The following CLIC2 variants were observed in gnomAD, a reference collection of about 807,000 sequenced individuals.
The protein encoded by CLIC2 is CLIC family member 2, also known as chloride intracellular channel protein 2.
A neutral mutation model predicts 14.8 loss-of-function variants in CLIC2; 9 were observed. The ratio of observed to expected loss-of-function variants is 0.61; its 90% CI spans 0.37 to 1.06. CLIC2 has a LOEUF of 1.06. Among genes scored for constraint, CLIC2 ranks in the 50% least tolerant of loss-of-function variants. CLIC2 has a pLI of 0.01. For missense variants in CLIC2, 148 were observed against 181.4 expected (o/e 0.82, Z 1.06); for synonymous variants, 61 against 66.3 (o/e 0.92, Z 0.39).
intron 3 of CLIC2, chrX:155,292,924 G>C (rs1293689503): frequency 9.4e-7 from 1 of 1,068,369 alleles, no homozygotes; most frequent in African/African-American, 1.8e-5. Flanking sequence ...TTTGCCAACA[G>C]GGCGAACAAA....
At chrX:155,284,384 C>T (rs782580227) in intron 3 of CLIC2, among the ~76,000 whole-genome samples, 13 of 108,843 alleles carry the variant, frequency 1.2e-4, no homozygotes, top group Admixed American at 6.9e-4. Context: ...CTCAGCCTCC[C>T]GAGTAGCTGG....
At chrX:155,316,564 G>A (rs782367672) in intron 1 of CLIC2, among the ~76,000 whole-genome samples, 5 of 111,160 alleles carry the variant, frequency 4.5e-5, no homozygotes, top group East Asian at 2.8e-4. Context: ...TGAACTGAAC[G>A]ATAACAGTGA....
Position 155,279,154 on chromosome X carries a change from T to C in CLIC2, c.577A>G (p.Ile193Val). 1 of 1,210,053 alleles carries C rather than the reference T, an allele frequency of 8.3e-7. No individual in the cohort carries two copies. Among genetic ancestry groups the C allele is most frequent in the Non-Finnish European group, 1.1e-6 (1 of 894,240 alleles). The change falls in exon 5 of 6, where the codon ATT (isoleucine) becomes GTT (valine). Residue 193 changes from isoleucine to valine, a missense_variant. Coordinates refer to ENST00000369449, the MANE Select transcript of CLIC2 (RefSeq NM_001289.6). Reference sequence around the variant, plus strand: ...CCTGCCTTATAAAGACTTACTTTAATAATGTTCAGCTTGGGTAACAAGCTA... The same window carrying C: ...CCTGCCTTATAAAGACTTACTTTAACAATGTTCAGCTTGGGTAACAAGCTA... ...DCSLLPKLNI[I>V]KVAAKKYRDF...
Position 155,323,245 on chromosome X carries a change from C to A in CLIC2, c.57+11126G>T, listed in dbSNP as rs782104281. ...ACACACACAAAAAGAAAATTTCACG[C>A]CAATATCCCTGATAAACATTGTTGT... On this transcript the variant is annotated intron_variant, in intron 1 of 5. Coordinates refer to ENST00000369449, the MANE Select transcript of CLIC2 (RefSeq NM_001289.6). Among the ~76,000 whole-genome samples, 211 of 111,866 alleles carry A rather than the reference C, an allele frequency of 1.9e-3. 1 individual carries two copies. Among genetic ancestry groups the A allele is most frequent in the Non-Finnish European group, 3.2e-3 (168 of 53,093 alleles).
At chrX:155,292,476 GC>G in intron 3 of CLIC2, 1 of 651,831 alleles carries the variant, frequency 1.5e-6, no homozygotes, top group Non-Finnish European at 2.5e-6. Flanking sequence ...GAAAGTTGAA[GC>G]CAGTAAAGTG....
At chrX:155,305,265 C>G (rs1047829501) in intron 1 of CLIC2, among the ~76,000 whole-genome samples, 2 of 112,100 alleles carry the variant, frequency 1.8e-5, no homozygotes, top group Admixed American at 1.9e-4. Context: ...GAGCCAGGTG[C>G]GGGATATGTG....
chrX:155,319,581 C>A (rs970848049), intron 1 of CLIC2, among the ~76,000 whole-genome samples: 3 of 112,338 alleles, frequency 2.7e-5, no homozygotes, highest in Non-Finnish European at 5.6e-5. Flanking sequence ...GAGATTCCCT[C>A]CAGTGCCTAC....
chrX:155,279,443 C>T, intron 4 of CLIC2, 113 bp from the exon 5 acceptor site: 1 of 544,551 alleles, frequency 1.8e-6, no homozygotes, highest in Non-Finnish European at 3.1e-6. Context: ...ACTACTTACA[C>T]TGGCTCTTCA....
intron 3 of CLIC2, among the ~76,000 whole-genome samples, chrX:155,281,156 T>G (rs192357741): frequency 9.2e-6 from 1 of 108,929 alleles, no homozygotes; most frequent in Non-Finnish European, 1.9e-5. Context: ...ATGTGTGGCA[T>G]CTTTAAGAGG....
chrX:155,300,099 G>A lies in CLIC2; in HGVS notation c.58-954C>T, dbSNP rs201955305. 2.2e-4 allele frequency among the ~76,000 whole-genome samples: 24 copies of A among 108,468 alleles called. No homozygotes were observed. In the East Asian group the frequency reaches 7.0e-3, roughly 32 times the overall value. 94.2% of individuals were successfully genotyped at this position (108,468 alleles called of 115,157 possible). Reference sequence around the variant, plus strand: ...TTCTTTGGGTATATACCCAGTAATGGGATGGCTGGGTCAAATGGTATTTCC... The same window carrying A: ...TTCTTTGGGTATATACCCAGTAATGAGATGGCTGGGTCAAATGGTATTTCC... On this transcript the variant is annotated intron_variant, in intron 1 of 5. Coordinates refer to ENST00000369449, the MANE Select transcript of CLIC2 (RefSeq NM_001289.6).
At position 155,292,598 on chromosome X, in the gene CLIC2, G is replaced by A. The variant is rs932019922; in HGVS notation, c.293+6187C>T. 16 of 319,972 alleles carry A rather than the reference G, an allele frequency of 5.0e-5. No individual in the cohort carries two copies. The East Asian group carries it at 6.1e-4, about 12-fold the overall frequency. 26.4% of individuals were successfully genotyped at this position (319,972 alleles called of 1,213,427 possible). On this transcript the variant is annotated intron_variant, in intron 3 of 5. Coordinates refer to ENST00000369449, the MANE Select transcript of CLIC2 (RefSeq NM_001289.6). ...ATCCTGGCTAACACGGTGAAACCCC[G>A]TCTCTACTAAAAATACAAAAAATTA...
chrX:155,292,802 T>TA (rs2074979052), intron 3 of CLIC2: 2 of 333,167 alleles, frequency 6.0e-6, no homozygotes, highest in Non-Finnish European at 1.0e-5. Context: ...AACAAACAAA[T>TA]AAAAAAGCTG....
chrX:155,315,538 CT>C (rs2124203532), intron 1 of CLIC2, among the ~76,000 whole-genome samples: 1 of 111,657 alleles, frequency 9.0e-6, no homozygotes, highest in South Asian at 3.7e-4. Flanking sequence ...AAGATACAGT[CT>C]TTTACAGACA....
At chrX:155,334,165 T>G (rs1557323084) in intron 1 of CLIC2, among the ~76,000 whole-genome samples, 1 of 111,524 alleles carries the variant, frequency 9.0e-6, no homozygotes, top group African/African-American at 3.3e-5. Flanking sequence ...CCATATCACC[T>G]TGCCTTTTTC....
chrX:155,296,190 G>C (rs1602938505), intron 3 of CLIC2, among the ~76,000 whole-genome samples: 1 of 111,801 alleles, frequency 8.9e-6, no homozygotes, highest in East Asian at 2.8e-4. Context: ...GGTCAGAATA[G>C]AGAACCTAGA....
chrX:155,277,987 A>G lies in CLIC2; in HGVS notation c.660T>C (p.Tyr220=). Residue 220 remains tyrosine (Y), a synonymous_variant, in exon 6 of 6, where the codon TAT becomes TAC. Coordinates refer to ENST00000369449, the MANE Select transcript of CLIC2 (RefSeq NM_001289.6). ...ACGTGTGGGTAAATTCTTCACGGGC[A>G]TAGGCATTGTGGAGATAACGCCAGA... is the stretch of plus-strand genomic sequence containing the variant. ...SGVWRYLHNA[Y]AREEFTHTCP... is the part of the protein sequence containing the mutation. The G allele has an allele frequency of 1.7e-6, 2 of 1,205,744 alleles. No individual in the cohort carries two copies. Among genetic ancestry groups the G allele is most frequent in the African/African-American group, 3.5e-5 (2 of 57,700 alleles).
intron 1 of CLIC2, among the ~76,000 whole-genome samples, chrX:155,300,518 T>G (rs1320372863): frequency 1.5e-4 from 17 of 111,348 alleles, no homozygotes; most frequent in African/African-American, 4.6e-4. Flanking sequence ...TTTCTCCCAT[T>G]TTGTAGGTTG....
intron 1 of CLIC2, among the ~76,000 whole-genome samples, chrX:155,325,761 G>GATATAATATAT (rs1214249356): frequency 3.0e-5 from 1 of 32,848 alleles, no homozygotes; most frequent in African/African-American, 1.1e-4. Flanking sequence ...AAGAAAATGT[G>GATATAATATAT]ATATATATAT....
chrX:155,289,204 C>T (rs782057866), intron 3 of CLIC2, among the ~76,000 whole-genome samples: 4 of 111,134 alleles, frequency 3.6e-5, no homozygotes, highest in South Asian at 3.8e-4. Context: ...AACTGATTTA[C>T]GCAGCATAAA....
Sources: allele counts gnomAD v4.1 joint callset (sites outside exome capture counted in the v4.1 genomes callset), GRCh38; gene constraint gnomAD v4.1.1; transcripts MANE v1.5; gene names NCBI Gene and HGNC (gene_info 2026-07-23, HGNC 2026-07-21).